Variants in OLFM3 observed in about 807,000 individuals in gnomAD.
The protein encoded by OLFM3 is olfactomedin 3, also known as noelin-3.
OLFM3 carries 20 observed loss-of-function variants against 48.6 expected under a neutral mutation model. That is an observed-to-expected ratio of 0.41 (90% CI 0.29 to 0.60). OLFM3 has a LOEUF of 0.60. Ranked by LOEUF, OLFM3 falls within the 20% of genes least tolerant of loss-of-function variation. The pLI is 0.28. For synonymous variants in OLFM3, 222 were observed against 198.1 expected (o/e 1.12, Z -1.01); for missense variants, 437 against 544.3 (o/e 0.80, Z 1.96).
At chr1:101,936,141 A>G (rs1226361939) in intron 1 of OLFM3, among the ~76,000 whole-genome samples, 1 of 151,962 alleles carries the variant, frequency 6.6e-6, no homozygotes, top group African/African-American at 2.4e-5. Context: ...GCAAAAGAAA[A>G]ATGTGAAGTG....
intron 1 of OLFM3, among the ~76,000 whole-genome samples, chr1:101,946,405 A>G (rs1659966044): frequency 6.6e-6 from 1 of 152,222 alleles, no homozygotes; most frequent in Admixed American, 6.5e-5. Flanking sequence ...TAAGCAAGTC[A>G]GAATGTTAAG....
chr1:101,950,854 G>A lies in OLFM3; in HGVS notation c.69+45894C>T, dbSNP rs565061192. Among the ~76,000 whole-genome samples the A allele has an allele frequency of 6.6e-5, 10 of 152,136 alleles. No homozygotes were observed. In the South Asian group the frequency reaches 1.0e-3, roughly 16 times the overall value. On this transcript the variant is annotated intron_variant, in intron 1 of 5. Coordinates refer to ENST00000370103, the MANE Select transcript of OLFM3 (RefSeq NM_058170.4). ...TATTCCTTACAAAAGTGCCAAGCTC[G>A]GAAAAGGAACTCAATAAATACTTAT... is the stretch of plus-strand genomic sequence containing the variant.
intron 1 of OLFM3, among the ~76,000 whole-genome samples, chr1:101,841,930 G>C (rs1425736654): frequency 6.6e-6 from 1 of 152,186 alleles, no homozygotes; most frequent in African/African-American, 2.4e-5. Flanking sequence ...TAAATTTTCT[G>C]TCTGAAGATA....
At chr1:101,960,770 G>C (rs574192992) in intron 1 of OLFM3, among the ~76,000 whole-genome samples, 1 of 152,220 alleles carries the variant, frequency 6.6e-6, no homozygotes, top group East Asian at 1.9e-4. Context: ...GAAAGGATTA[G>C]AGTTAACTAG....
At chr1:101,856,147 A>G (rs1656401289) in intron 1 of OLFM3, among the ~76,000 whole-genome samples, 1 of 151,948 alleles carries the variant, frequency 6.6e-6, no homozygotes. Context: ...TCCTCTCATC[A>G]ATATGTGTAG....
At chr1:101,904,318 C>T (rs970757395) in intron 1 of OLFM3, among the ~76,000 whole-genome samples, 1 of 151,916 alleles carries the variant, frequency 6.6e-6, no homozygotes, top group Non-Finnish European at 1.5e-5. Context: ...TCATGTCAGG[C>T]AGGAGGAAAA....
At position 101,996,834 on chromosome 1, in the gene OLFM3, C is replaced by G. The variant is rs757386715; in HGVS notation, c.-18G>C. 1.2e-5 allele frequency: 20 copies of G among 1,613,742 alleles called. No homozygotes were observed. The highest frequency in any genetic ancestry group is 1.7e-5 in the Admixed American group (1 of 60,004). The stretch of plus-strand genomic sequence containing the variant: ...GCCTGCATTCTGATCTGGGTTTTTG[C>G]CCCTCTTTACTCTCTTTTATGTAGG... On this transcript the variant is annotated 5_prime_UTR_variant, in exon 1 of 6. Coordinates refer to ENST00000370103, the MANE Select transcript of OLFM3 (RefSeq NM_058170.4).
At position 101,996,915 on chromosome 1, in the gene OLFM3, T is replaced by G; in HGVS notation, c.-99A>C. 4 of 1,297,964 alleles carry G rather than the reference T, an allele frequency of 3.1e-6. No homozygotes were observed. Among genetic ancestry groups the G allele is most frequent in the Non-Finnish European group, 4.4e-6 (4 of 904,570 alleles). 80.4% of individuals were successfully genotyped at this position (1,297,964 alleles called of 1,614,324 possible). ...GTCAGTTGCACTTTCTGCCTGCCAG[T>G]CAGAGCCGAGTGGAAGCAGAGGCGG... On this transcript the variant is annotated 5_prime_UTR_variant, in exon 1 of 6. Transcript: ENST00000370103.
chr1:101,873,198 T>G (rs1459630599), intron 1 of OLFM3, among the ~76,000 whole-genome samples: 2 of 151,888 alleles, frequency 1.3e-5, no homozygotes, highest in Admixed American at 6.6e-5. Flanking sequence ...GAGTGCCGTG[T>G]CCCTTTACAT....
chr1:101,967,880 C>T (rs759152563), intron 1 of OLFM3, among the ~76,000 whole-genome samples: 14 of 151,958 alleles, frequency 9.2e-5, no homozygotes, highest in African/African-American at 7.3e-5. Flanking sequence ...AGTATTCTTC[C>T]GCCCCCAGCA....
At chr1:101,832,949 C>A (rs1213313622) in intron 2 of OLFM3, among the ~76,000 whole-genome samples, 2 of 152,184 alleles carry the variant, frequency 1.3e-5, no homozygotes, top group African/African-American at 4.8e-5. Flanking sequence ...AACTTTCTAA[C>A]TTCATTTGTG....
intron 1 of OLFM3, among the ~76,000 whole-genome samples, chr1:101,892,919 C>T (rs1658059606): frequency 1.3e-5 from 2 of 151,996 alleles, no homozygotes; most frequent in Admixed American, 6.6e-5. Context: ...ATAATTTTTC[C>T]TCTTACTATT....
chr1:101,827,319 A>ATT (rs756938634), intron 3 of OLFM3, among the ~76,000 whole-genome samples: 7 of 146,514 alleles, frequency 4.8e-5, no homozygotes, highest in South Asian at 4.3e-4. Context: ...CAGAGGAAGA[A>ATT]TTTTTTTTTT....
At chr1:101,941,639 A>G (rs953774652) in intron 1 of OLFM3, among the ~76,000 whole-genome samples, 1 of 152,188 alleles carries the variant, frequency 6.6e-6, no homozygotes, top group Admixed American at 6.5e-5. Context: ...AAATTGTAGA[A>G]ACATTTTAAA....
At chr1:101,996,512 A>G (rs1305515723) in intron 1 of OLFM3, among the ~76,000 whole-genome samples, 2 of 152,132 alleles carry the variant, frequency 1.3e-5, no homozygotes, top group Non-Finnish European at 2.9e-5. Flanking sequence ...CCCGCTGCCC[A>G]TGCACATTAT....
chr1:101,965,899 G>T (rs1487131542), intron 1 of OLFM3, among the ~76,000 whole-genome samples: 5 of 152,156 alleles, frequency 3.3e-5, no homozygotes, highest in African/African-American at 1.2e-4. Flanking sequence ...TGGTAAATGG[G>T]AGATACTGGT....
At chr1:101,985,997 G>C (rs1244325202) in intron 1 of OLFM3, among the ~76,000 whole-genome samples, 2 of 141,066 alleles carry the variant, frequency 1.4e-5, no homozygotes, top group African/African-American at 5.3e-5. Context: ...ACAGAGTCTC[G>C]CTCTGTCCCC....
chr1:101,977,530 G>A (rs975410558), intron 1 of OLFM3, among the ~76,000 whole-genome samples: 3 of 152,114 alleles, frequency 2.0e-5, no homozygotes, highest in Non-Finnish European at 2.9e-5. Context: ...AGAACTGGGA[G>A]GGACACTAAG....
chr1:101,878,608 T>C (rs777142588), intron 1 of OLFM3, among the ~76,000 whole-genome samples: 1 of 151,808 alleles, frequency 6.6e-6, no homozygotes, highest in Non-Finnish European at 1.5e-5. Context: ...AAGATTCTAG[T>C]ATTGACCTGG....
Sources: allele counts gnomAD v4.1 joint callset (sites outside exome capture counted in the v4.1 genomes callset), GRCh38; gene constraint gnomAD v4.1.1; transcripts MANE v1.5; gene names NCBI Gene and HGNC (gene_info 2026-07-23, HGNC 2026-07-21).